Variants in DNAJC11 observed in about 807,000 individuals in gnomAD.
DNAJC11 encodes DnaJ heat shock protein family (Hsp40) member C11, also known as dnaJ homolog subfamily C member 11.
In DNAJC11, 15 loss-of-function variants were observed where a neutral mutation model predicts 78.6. That is an observed-to-expected ratio of 0.19 (90% CI 0.13 to 0.29). The LOEUF is 0.29. Ranked by LOEUF, DNAJC11 falls within the 10% of genes least tolerant of loss-of-function variation. DNAJC11 has a pLI of 1.00. For synonymous variants in DNAJC11, 292 were observed against 272.1 expected (o/e 1.07, Z -0.72); for missense variants, 547 against 709.6 (o/e 0.77, Z 2.60).
chr1:6,692,003 C>A (rs1642753751), intron 1 of DNAJC11, among the ~76,000 whole-genome samples: 3 of 152,170 alleles, frequency 2.0e-5, no homozygotes, highest in Non-Finnish European at 2.9e-5. Context: ...AAAAAGCAGA[C>A]AATAAAATTC....
At position 6,685,117 on chromosome 1, in the gene DNAJC11, T is replaced by A. The variant is rs150341256; in HGVS notation, c.73-4080A>T. Among the ~76,000 whole-genome samples, 1,038 of 152,136 alleles carry A rather than the reference T, an allele frequency of 6.8e-3. 19 individuals are homozygous for A. Among genetic ancestry groups the A allele is most frequent in the African/African-American group, 0.023 (958 of 41,500 alleles). On this transcript the variant is annotated intron_variant, in intron 1 of 15. Coordinates refer to ENST00000377577, the MANE Select transcript of DNAJC11 (RefSeq NM_018198.4). ...GCGAGATCCTGACTCTACAAAAAAA[T>A]TTAAAAAAATTATCCAGGTGTACTT... is the stretch of plus-strand genomic sequence containing the variant.
chr1:6,686,778 G>A (rs1642663291), intron 1 of DNAJC11, among the ~76,000 whole-genome samples: 2 of 152,238 alleles, frequency 1.3e-5, no homozygotes, highest in Non-Finnish European at 1.5e-5. Flanking sequence ...ACTGAATAGA[G>A]CATGCAAATA....
intron 1 of DNAJC11, among the ~76,000 whole-genome samples, chr1:6,690,206 A>G (rs972750378): frequency 2.6e-5 from 4 of 152,306 alleles, no homozygotes; most frequent in African/African-American, 7.2e-5. Flanking sequence ...TTTACAATAT[A>G]TATATATACC....
chr1:6,666,421 C>G (rs1378909818), intron 4 of DNAJC11, among the ~76,000 whole-genome samples: 1 of 135,592 alleles, frequency 7.4e-6, no homozygotes, highest in East Asian at 2.2e-4. Flanking sequence ...GAGTCTCACT[C>G]TGTTGTCCAG....
intron 10 of DNAJC11, among the ~76,000 whole-genome samples, chr1:6,640,331 C>G (rs1281965968): frequency 6.6e-6 from 1 of 152,212 alleles, no homozygotes; most frequent in African/African-American, 2.4e-5. Context: ...GGGTCAACGT[C>G]CCCTACAGGT....
Position 6,637,252 on chromosome 1 carries a change from C to T in DNAJC11, c.1470G>A (p.Val490=). The T allele has an allele frequency of 6.2e-7, 1 of 1,614,192 alleles. No individual in the cohort carries two copies. ...AGTCCTTCACCAGGCACTGCAGGGG[C>T]ACAGTCACGTCAATCACCTTCACCT... is the stretch of plus-strand genomic sequence containing the variant. The part of the protein sequence containing the change: ...SEKVKVIDVT[V]PLQCLVKDSK... Residue 490 remains valine (V), a synonymous_variant, in exon 14 of 16, where the codon GTG becomes GTA. Transcript: ENST00000377577.
chr1:6,658,252 AC>A (rs1330790356), intron 4 of DNAJC11, among the ~76,000 whole-genome samples: 1 of 152,324 alleles, frequency 6.6e-6, no homozygotes, highest in East Asian at 1.9e-4. Context: ...TTCAGCTCTG[AC>A]AAGAGAGTCT....
At chr1:6,670,435 T>C (rs2148742741) in intron 3 of DNAJC11, 1 of 152,048 alleles carries the variant, frequency 6.6e-6, no homozygotes, top group East Asian at 1.9e-4. Context: ...CATACACACA[T>C]TCAATATAAA....
intron 2 of DNAJC11, among the ~76,000 whole-genome samples, chr1:6,678,712 G>A (rs1351195338): frequency 6.6e-6 from 1 of 152,156 alleles, no homozygotes; most frequent in Non-Finnish European, 1.5e-5. Context: ...GAGTGCAATG[G>A]TAAGATCATA....
At chr1:6,673,088 C>T (rs140572049) in intron 3 of DNAJC11, among the ~76,000 whole-genome samples, 12 of 140,128 alleles carry the variant, frequency 8.6e-5, no homozygotes, top group Admixed American at 2.4e-4. Flanking sequence ...TCCAGCTACT[C>T]GGGAGGCTGA....
At chr1:6,687,439 C>T (rs1392568382) in intron 1 of DNAJC11, among the ~76,000 whole-genome samples, 2 of 149,070 alleles carry the variant, frequency 1.3e-5, no homozygotes, top group Non-Finnish European at 3.0e-5. Flanking sequence ...TCACTGCAAG[C>T]TCCGCCTCCC....
At chr1:6,659,618 C>G (rs528301307) in intron 4 of DNAJC11, among the ~76,000 whole-genome samples, 1 of 151,982 alleles carries the variant, frequency 6.6e-6, no homozygotes, top group Non-Finnish European at 1.5e-5. Context: ...AAACATGAGC[C>G]GGGCATGGTG....
chr1:6,639,096 C>A (rs1257842161), intron 11 of DNAJC11, among the ~76,000 whole-genome samples: 1 of 152,178 alleles, frequency 6.6e-6, no homozygotes, highest in Non-Finnish European at 1.5e-5. Context: ...CAAATCTATA[C>A]CAGCTCTCAG....
chr1:6,657,746 G>A (rs1021977835), intron 4 of DNAJC11, among the ~76,000 whole-genome samples: 45 of 152,326 alleles, frequency 3.0e-4, no homozygotes, highest in South Asian at 1.0e-3. Context: ...CTGGGTTCAC[G>A]CCATTCTCCT....
rs1308981607 is a variant in DNAJC11 at position 6,678,448 on chromosome 1, G to C, written c.222C>G (p.Thr74=). Residue 74 remains threonine (T), a synonymous_variant, in exon 3 of 16, where the codon ACC becomes ACG. Coordinates refer to ENST00000377577, the MANE Select transcript of DNAJC11 (RefSeq NM_018198.4). ...QAYEVLSDPQ[T]RAIYDIYGKR... Reference sequence around the variant, plus strand: ...TCCCATATATATCATAGATGGCCCTGGTTTGGGGGTCACTAAGCACTGCAA... The same window carrying C: ...TCCCATATATATCATAGATGGCCCTCGTTTGGGGGTCACTAAGCACTGCAA... 1 of 1,613,624 alleles carries C rather than the reference G, an allele frequency of 6.2e-7. No individual in the cohort carries two copies. The highest frequency in any genetic ancestry group is 2.2e-5 in the East Asian group (1 of 44,890).
At position 6,701,757 on chromosome 1, in the gene DNAJC11, T is replaced by C. The variant is rs889922298; in HGVS notation, c.44A>G (p.Tyr15Cys). 1 of 1,567,258 alleles carries C rather than the reference T, an allele frequency of 6.4e-7. No homozygotes were observed. ...CCTGCGCACGTTCAGCAACGAGTAA[T>C]AGTCTTCATTGTCCAGCTCCTCCTC... Reference protein sequence around the residue: ...LSEEELDNEDYYSLLNVRREA... With the variant: ...LSEEELDNEDCYSLLNVRREA... Residue 15 changes from tyrosine to cysteine, a missense_variant, in exon 1 of 16, where the codon TAT becomes TGT. Coordinates refer to ENST00000377577, the MANE Select transcript of DNAJC11 (RefSeq NM_018198.4).
intron 1 of DNAJC11, among the ~76,000 whole-genome samples, chr1:6,701,245 G>A (rs530093123): frequency 1.3e-5 from 2 of 152,302 alleles, no homozygotes; most frequent in East Asian, 3.9e-4. Flanking sequence ...GCGTCCCCAC[G>A]AAAGACTCGG....
chr1:6,661,159 A>G (rs1017346977), intron 4 of DNAJC11, among the ~76,000 whole-genome samples: 1 of 152,218 alleles, frequency 6.6e-6, no homozygotes, highest in East Asian at 1.9e-4. Flanking sequence ...TTTCATGTTT[A>G]TATTTATCTG....
intron 1 of DNAJC11, among the ~76,000 whole-genome samples, chr1:6,682,998 A>T (rs1461177079): frequency 6.6e-6 from 1 of 152,160 alleles, no homozygotes; most frequent in African/African-American, 2.4e-5. Context: ...GGAGAGAGGC[A>T]ACTCTGCTGC....
Sources: gnomAD v4.1 joint callset for allele counts (sites outside exome capture counted in the v4.1 genomes callset) on GRCh38, gnomAD v4.1.1 for gene constraint, MANE v1.5 for transcripts, NCBI Gene and HGNC (gene_info 2026-07-23, HGNC 2026-07-21) for gene names.